The following MPI variants were observed in gnomAD, a reference collection of about 807,000 sequenced individuals.
MPI encodes the protein mannose-6-phosphate isomerase.
A neutral mutation model predicts 40.1 loss-of-function variants in MPI; 33 were observed. That is an observed-to-expected ratio of 0.82 (90% confidence interval 0.62 to 1.10). The LOEUF (loss-of-function observed/expected upper bound fraction) is 1.10. Among genes scored for constraint, MPI ranks in the 50% least tolerant of loss-of-function variants. MPI has a pLI of 0.00. For missense variants in MPI, 514 were observed against 524.1 expected, an observed-to-expected ratio of 0.98 and a Z score of 0.19; for synonymous variants, 187 against 207.4, an observed-to-expected ratio of 0.90 and a Z score of 0.85.
Position 74,897,165 on chromosome 15 carries a change from C to T in MPI, c.999C>T (p.Pro333=). 6.2e-7 allele frequency: 1 copy of T among 1,614,196 alleles called. No individual in the cohort carries two copies. Among genetic ancestry groups the T allele is most frequent in the Non-Finnish European group, 8.5e-7 (1 of 1,180,032 alleles). The part of the protein sequence containing the change: ...LFLPTRSQED[P]YLSIYDPPVP... ...TCCCAACACGGAGTCAGGAAGACCC[C>T]TACCTCTCAATCTATGACCCCCCTG... The change falls in exon 7 of 8, where the codon CCC becomes CCT. Residue 333 remains proline, a synonymous_variant. Transcript: ENST00000352410.
chr15:74,890,120 T>C (rs755379482), intron 1 of MPI, 31 bp downstream of exon 1: 2 of 1,607,256 alleles, frequency 1.2e-6, no homozygotes, highest in East Asian at 4.5e-5. Context: ...TCGGCGAGTG[T>C]GTTCGTGGAG....
At position 74,900,015 on chromosome 15, in the gene MPI, T is replaced by C. The variant is rs1243822571; in HGVS notation, c.*2285T>C. On this transcript the variant is annotated 3_prime_UTR_variant, in exon 8 of 8. Transcript: ENST00000352410. Reference sequence around the variant, plus strand: ...ACTAGTGTGATTGCATTTATTCTTATAAATGTACAGAGCTGTAGAAGTGCA... The same window carrying C: ...ACTAGTGTGATTGCATTTATTCTTACAAATGTACAGAGCTGTAGAAGTGCA... The C allele has an allele frequency of 6.6e-6, 1 of 152,220 alleles. No homozygotes were observed. The highest frequency in any genetic ancestry group is 2.4e-5 in the African/African-American group (1 of 41,448). 9.4% of individuals were successfully genotyped at this position (152,220 alleles called of 1,614,324 possible).
Position 74,892,769 on chromosome 15 carries a change from C to A in MPI, c.454C>A (p.Arg152=). 6.2e-7 allele frequency: 1 copy of A among 1,614,232 alleles called. No homozygotes were observed. ...CCCCTTCCAGGGCTTGTGTGGCTTC[C>A]GGCCAGTTGAGGAGATTGTAACCTT... is the stretch of plus-strand genomic sequence containing the variant. ...LTPFQGLCGF[R]PVEEIVTFLK... is the part of the protein sequence containing the mutation. The change falls in exon 4 of 8, where the codon CGG becomes AGG. Residue 152 remains arginine, a synonymous_variant. Coordinates refer to ENST00000352410, the MANE Select transcript of MPI (RefSeq NM_002435.3).
chr15:74,895,436 TAAA>T (rs1419534577), intron 5 of MPI: 1 of 151,634 alleles, frequency 6.6e-6, no homozygotes, highest in Non-Finnish European at 1.5e-5. Context: ...CTGCAAATAA[TAAA>T]AAACTTAGCC....
intron 5 of MPI, among the ~76,000 whole-genome samples, chr15:74,894,102 GTGTGT>G (rs2064777731): frequency 1.8e-5 from 1 of 56,770 alleles, no homozygotes; most frequent in Non-Finnish European, 4.8e-5. Flanking sequence ...GTGTGTGTGT[GTGTGT>G]GGTCTCTTTC....
Position 74,896,429 on chromosome 15 carries a change from C to T in MPI, c.844+104C>T, listed in dbSNP as rs1595822810. The T allele has an allele frequency of 5.2e-6, 7 of 1,337,334 alleles. No homozygotes were observed. The East Asian group carries it at 1.7e-4, about 32-fold the overall frequency. The allele number at this position is 1,337,334 out of a possible 1,614,324, so 82.8% of individuals were successfully genotyped here. On this transcript the variant is annotated intron_variant, in intron 6 of 7. Coordinates refer to ENST00000352410, the MANE Select transcript of MPI (RefSeq NM_002435.3). ...GGGTGGTCAAGGAGACCCCCAAGGACCTTGCAGCTCTGACCTCTGAGGGTT... is the reference window on the plus strand; with the variant it reads ...GGGTGGTCAAGGAGACCCCCAAGGATCTTGCAGCTCTGACCTCTGAGGGTT...
At position 74,892,764 on chromosome 15, in the gene MPI, G is replaced by A; in HGVS notation, c.449G>A (p.Gly150Asp). The A allele has an allele frequency of 1.2e-6, 2 of 1,614,286 alleles. No homozygotes were observed. The highest frequency in any genetic ancestry group is 8.5e-7 in the Non-Finnish European group (1 of 1,180,060). ...IALTPFQGLC[G>D]FRPVEEIVTF... ...CTCACCCCCTTCCAGGGCTTGTGTG[G>A]CTTCCGGCCAGTTGAGGAGATTGTA... The change falls in exon 4 of 8, where the codon GGC becomes GAC. Residue 150 changes from glycine to aspartate, a missense_variant. Transcript: ENST00000352410.
At position 74,897,524 on chromosome 15, in the gene MPI, G is replaced by C. The variant is rs764476271; in HGVS notation, c.1066G>C (p.Val356Leu). The C allele has an allele frequency of 6.2e-7, 1 of 1,614,020 alleles. No individual in the cohort carries two copies. Among genetic ancestry groups the C allele is most frequent in the South Asian group, 1.1e-5 (1 of 91,082 alleles). ...TCTTCCTGCCCAGGTCCCTGGCTCTGTCACTGAATACAAGGTCTTGGCACT... is the reference window on the plus strand; with the variant it reads ...TCTTCCTGCCCAGGTCCCTGGCTCTCTCACTGAATACAAGGTCTTGGCACT... ...TIMKTEVPGS[V>L]TEYKVLALDS... is the part of the protein sequence containing the mutation. Residue 356 changes from valine (V) to leucine (L), a missense_variant, in exon 8 of 8, where the codon GTC (valine) becomes CTC (leucine). Coordinates refer to ENST00000352410, the MANE Select transcript of MPI (RefSeq NM_002435.3).
rs1353562948 is a variant in MPI at position 74,891,535 on chromosome 15, C to T, written c.301C>T (p.Leu101Phe). The change falls in exon 3 of 8, where the codon CTC (leucine) becomes TTC (phenylalanine). Residue 101 changes from leucine (L) to phenylalanine (F), a missense_variant. Leu to Phe is a conservative substitution (Grantham distance 22). Transcript: ENST00000352410. ...NGNLPFLFKVLSVETPLSIQA... is the reference protein window; with the variant it reads ...NGNLPFLFKVFSVETPLSIQA... Reference sequence around the variant, plus strand: ...CAACCTGCCCTTCCTCTTCAAAGTGCTCTCAGTTGAAACACCCCTGTCCAT... The same window carrying T: ...CAACCTGCCCTTCCTCTTCAAAGTGTTCTCAGTTGAAACACCCCTGTCCAT... 6.2e-7 allele frequency: 1 copy of T among 1,614,092 alleles called. No individual in the cohort carries two copies. Among genetic ancestry groups the T allele is most frequent in the African/African-American group, 1.3e-5 (1 of 74,942 alleles).
intron 2 of MPI, chr15:74,891,028 T>TG (rs1178011597): frequency 1.8e-6 from 1 of 569,404 alleles, no homozygotes; most frequent in East Asian, 4.1e-5. Context: ...CTTCTGAAAC[T>TG]GGAAGATGTA....
At position 74,897,280 on chromosome 15, in the gene MPI, C is replaced by T. The variant is rs562216075; in HGVS notation, c.1053+61C>T. The T allele has an allele frequency of 2.5e-4, 397 of 1,582,026 alleles. 2 individuals carry two copies. The African/African-American group carries it at 4.8e-3, about 19-fold the overall frequency. On this transcript the variant is annotated intron_variant, in intron 7 of 7. Coordinates refer to ENST00000352410, the MANE Select transcript of MPI (RefSeq NM_002435.3). ...CCATGAAAATCTCTGGCAAGGGTCA[C>T]GATGTGGAGGACACCTGGGGCTGGG...
At chr15:74,891,678 G>A in intron 3 of MPI, 99 bp downstream of exon 3, 1 of 1,376,608 alleles carries the variant, frequency 7.3e-7, no homozygotes, top group Non-Finnish European at 1.0e-6. Flanking sequence ...CCCATGCCAG[G>A]CTCCTGCCCA....
chr15:74,897,050 G>T lies in MPI; in HGVS notation c.884G>T (p.Arg295Leu). 2.5e-6 allele frequency: 4 copies of T among 1,614,124 alleles called. No homozygotes were observed. The highest frequency in any genetic ancestry group is 2.2e-5 in the South Asian group (2 of 91,086). Reference sequence around the variant, plus strand: ...ATGGCGTGTTCAGACAACACAGTTCGTGCTGGCCTGACACCCAAGTTCATT... The same window carrying T: ...ATGGCGTGTTCAGACAACACAGTTCTTGCTGGCCTGACACCCAAGTTCATT... ...ECMACSDNTV[R>L]AGLTPKFIDV... Residue 295 changes from arginine to leucine, a missense_variant, in exon 7 of 8, where the codon CGT (arginine) becomes CTT (leucine). Physicochemically the swap from Arg to Leu is moderately radical, Grantham distance 102. Coordinates refer to ENST00000352410, the MANE Select transcript of MPI (RefSeq NM_002435.3).
chr15:74,890,107 G>A lies in MPI; in HGVS notation c.16+18G>A, dbSNP rs757532607. 6.2e-7 allele frequency: 1 copy of A among 1,607,760 alleles called. No individual in the cohort carries two copies. Among genetic ancestry groups the A allele is most frequent in the African/African-American group, 1.3e-5 (1 of 75,068 alleles). ...TCCGCGAGGTGAGCCATTGGCTGGG[G>A]TGTCGGCGAGTGTGTTCGTGGAGCG... is the stretch of plus-strand genomic sequence containing the variant. On this transcript the variant is annotated intron_variant, in intron 1 of 7. Coordinates refer to ENST00000352410, the MANE Select transcript of MPI (RefSeq NM_002435.3).
Position 74,892,650 on chromosome 15 carries a change from C to T in MPI, c.346-11C>T. On this transcript the variant is annotated splice_polypyrimidine_tract_variant and intron_variant, in intron 3 of 7. Transcript: ENST00000352410. Reference sequence around the variant, plus strand: ...CCTCACCATCCTCCTCTTCCCCTGGCCACCCCACAGGAGCTGGCAGAGAAG... The same window carrying T: ...CCTCACCATCCTCCTCTTCCCCTGGTCACCCCACAGGAGCTGGCAGAGAAG... 1.9e-6 allele frequency: 3 copies of T among 1,614,032 alleles called. No individual in the cohort carries two copies. Among genetic ancestry groups the T allele is most frequent in the Non-Finnish European group, 2.5e-6 (3 of 1,180,034 alleles).
At chr15:74,890,457 C>T in intron 1 of MPI, 70 bp from the exon 2 acceptor site, 1 of 1,608,472 alleles carries the variant, frequency 6.2e-7, no homozygotes, top group Non-Finnish European at 8.5e-7. Context: ...CCAGCTCTTG[C>T]CTGGTTTCCC....
chr15:74,901,868 G>C lies in MPI; in HGVS notation c.*4138G>C. Reference sequence around the variant, plus strand: ...GGTGAAGAAACTCACCCAGACCAAGGAAATACAAATAAATAAATATGAACA... The same window carrying C: ...GGTGAAGAAACTCACCCAGACCAAGCAAATACAAATAAATAAATATGAACA... On this transcript the variant is annotated 3_prime_UTR_variant, in exon 8 of 8. Transcript: ENST00000352410. 2 of 369,900 alleles carry C rather than the reference G, an allele frequency of 5.4e-6. No homozygotes were observed. Among genetic ancestry groups the C allele is most frequent in the Non-Finnish European group, 9.6e-6 (2 of 208,766 alleles). The allele number at this position is 369,900 out of a possible 1,614,324, so 22.9% of individuals were successfully genotyped here. A position where few individuals can be genotyped will look rare whatever the true frequency, so the allele number is the denominator to read the frequency against.
At position 74,893,233 on chromosome 15, in the gene MPI, C is replaced by T; in HGVS notation, c.583C>T (p.Gln195Ter). 1 of 1,614,206 alleles carries T rather than the reference C, an allele frequency of 6.2e-7. No homozygotes were observed. Among genetic ancestry groups the T allele is most frequent in the East Asian group, 2.2e-5 (1 of 44,892 alleles). ...HDSQAVASSL[Q>*]SCFSHLMKSE... is the part of the protein sequence containing the mutation. ...CTCCCAGGCTGTGGCCTCCTCTCTG[C>T]AGAGCTGTTTCTCCCACCTGATGAA... Residue 195 changes from glutamine (Q) to a stop codon, truncating the protein, a stop_gained, in exon 5 of 8, where the codon CAG becomes TAG. Coordinates refer to ENST00000352410, the MANE Select transcript of MPI (RefSeq NM_002435.3). LOFTEE classifies it high-confidence loss of function.
At chr15:74,896,916 T>C in intron 6 of MPI, 95 bp from the exon 7 acceptor site, 1 of 1,171,986 alleles carries the variant, frequency 8.5e-7, no homozygotes. Context: ...TTTACCTAAC[T>C]TGGCATGGGG....
Sources: allele counts gnomAD v4.1 joint callset (sites outside exome capture counted in the v4.1 genomes callset), GRCh38; gene constraint gnomAD v4.1.1; transcripts MANE v1.5; gene names NCBI Gene and HGNC (gene_info 2026-07-23, HGNC 2026-07-21).